The following SQOR variants were observed in gnomAD, a reference collection of about 807,000 sequenced individuals.
SQOR encodes the protein sulfide:quinone oxidoreductase, mitochondrial.
SQOR carries 39 observed loss-of-function variants against 48.6 expected under a neutral mutation model. That is an observed-to-expected ratio of 0.80 (90% CI 0.62 to 1.05). The LOEUF (loss-of-function observed/expected upper bound fraction) is 1.05. SQOR is among the 50% of genes least tolerant of loss of function. The pLI is 0.00. For synonymous variants in SQOR, 220 were observed against 206.2 expected (o/e 1.07, Z -0.57); for missense variants, 561 against 559.9 (o/e 1.00, Z -0.02).
chr15:45,645,973 C>G lies in SQOR; in HGVS notation c.-18+10865C>G, dbSNP rs548518642. 8 of 152,246 alleles carry G rather than the reference C, an allele frequency of 5.3e-5. No homozygotes were observed. The East Asian group carries it at 1.2e-3, about 22-fold the overall frequency. The allele number at this position is 152,246 out of a possible 1,614,324, so 9.4% of individuals were successfully genotyped here. A position where few individuals can be genotyped will look rare whatever the true frequency, so the allele number is the denominator to read the frequency against. ...TTCTGATACATTTTCTAAAAGAGAT[C>G]GCAGAACAAAGGGTCCTGACTCACC... On this transcript the variant is annotated intron_variant, in intron 1 of 9. Transcript: ENST00000260324.
At chr15:45,644,431 G>C (rs1314938235) in intron 1 of SQOR, among the ~76,000 whole-genome samples, 1 of 152,194 alleles carries the variant, frequency 6.6e-6, no homozygotes, top group Non-Finnish European at 1.5e-5. Context: ...AGGAGAAGAA[G>C]CCGAGCAAAA....
chr15:45,659,195 CGT>C (rs113227688), intron 2 of SQOR, 38 bp downstream of exon 2: 4,144 of 1,311,426 alleles, frequency 3.2e-3, no homozygotes, highest in South Asian at 4.1e-3. Context: ...TGTGTGTGTA[CGT>C]GTGTGTGTGT....
intron 5 of SQOR, 24 bp downstream of exon 5, chr15:45,673,825 A>G (rs765962106): frequency 6.2e-7 from 1 of 1,611,638 alleles, no homozygotes; most frequent in Non-Finnish European, 8.5e-7. Context: ...CTGGGGACAG[A>G]GATGAGCAGG....
rs612451 is a variant in SQOR, at chr15:45,641,077, T to G, written c.-18+5969T>G. On this transcript the variant is annotated intron_variant, in intron 1 of 9. Coordinates refer to ENST00000260324, the MANE Select transcript of SQOR (RefSeq NM_021199.4). Reference sequence around the variant, plus strand: ...TATAATTCAGTCAAAACTCTTAACTTTCATTTGAAATAATCCAATTGACTG... The same window carrying G: ...TATAATTCAGTCAAAACTCTTAACTGTCATTTGAAATAATCCAATTGACTG... Among the ~76,000 whole-genome samples the G allele has an allele frequency of 9.8e-3, 1,486 of 152,320 alleles. 24 individuals are homozygous for G. The highest frequency in any genetic ancestry group is 0.034 in the African/African-American group (1,403 of 41,546).
intron 6 of SQOR, among the ~76,000 whole-genome samples, chr15:45,679,346 G>C (rs969369408): frequency 1.3e-5 from 2 of 152,094 alleles, no homozygotes; most frequent in Non-Finnish European, 2.9e-5. Context: ...GGTGCAGATT[G>C]AGGATGGGGA....
Position 45,689,083 on chromosome 15 carries a change from T to A in SQOR, c.1161T>A (p.Arg387=). The A allele has an allele frequency of 6.2e-7, 1 of 1,614,194 alleles. No homozygotes were observed. The highest frequency in any genetic ancestry group is 1.1e-5 in the South Asian group (1 of 91,082). Residue 387 remains arginine (R), a synonymous_variant, in exon 9 of 10, where the codon CGT becomes CGA. Transcript: ENST00000260324. ...TSCPLVTGYN[R]VILAEFDYKA... ...GTCCACTGGTGACCGGCTACAACCG[T>A]GTGATTCTTGCTGAGTTTGACTACA... is the stretch of plus-strand genomic sequence containing the variant.
At chr15:45,664,205 T>C (rs1889771807) in intron 3 of SQOR, among the ~76,000 whole-genome samples, 1 of 152,216 alleles carries the variant, frequency 6.6e-6, no homozygotes, top group Non-Finnish European at 1.5e-5. Context: ...ATGAAAGTTC[T>C]GTCTTCACTG....
chr15:45,685,478 G>A (rs1890206801), intron 7 of SQOR, among the ~76,000 whole-genome samples: 1 of 152,118 alleles, frequency 6.6e-6, no homozygotes, highest in African/African-American at 2.4e-5. Flanking sequence ...ATTACTCCCA[G>A]CACAGCTAAG....
chr15:45,659,050 C>G lies in SQOR; in HGVS notation c.127C>G (p.His43Asp). Residue 43 changes from histidine (H) to aspartate (D), a missense_variant, in exon 2 of 10, where the codon CAT becomes GAT. Transcript: ENST00000260324. Reference protein sequence around the residue: ...HTGASHAARNHYEVLVLGGGS... With the variant: ...HTGASHAARNDYEVLVLGGGS... ...CGGGGCCAGCCATGCGGCCAGGAAC[C>G]ATTATGAGGTGCTGGTGCTGGGTGG... 2.5e-6 allele frequency: 4 copies of G among 1,599,244 alleles called. No homozygotes were observed. Among genetic ancestry groups the G allele is most frequent in the Non-Finnish European group, 3.4e-6 (4 of 1,173,360 alleles).
intron 1 of SQOR, among the ~76,000 whole-genome samples, chr15:45,636,012 G>C (rs1894997987): frequency 6.6e-6 from 1 of 152,066 alleles, no homozygotes; most frequent in Non-Finnish European, 1.5e-5. Flanking sequence ...AGTATTTGTA[G>C]TAGAGGCGGG....
At chr15:45,656,708 G>A (rs1257717852) in intron 1 of SQOR, among the ~76,000 whole-genome samples, 1 of 152,088 alleles carries the variant, frequency 6.6e-6, no homozygotes, top group South Asian at 2.1e-4. Flanking sequence ...TAAAATTTTG[G>A]CTTTGTTTTT....
chr15:45,667,680 A>G (rs2140952884), intron 3 of SQOR, among the ~76,000 whole-genome samples: 2 of 152,280 alleles, frequency 1.3e-5, no homozygotes, highest in East Asian at 3.9e-4. Context: ...CATAATGAAT[A>G]TTATGCTCTA....
chr15:45,690,770 C>T (rs1890308969), intron 9 of SQOR, among the ~76,000 whole-genome samples: 1 of 152,222 alleles, frequency 6.6e-6, no homozygotes, highest in Non-Finnish European at 1.5e-5. Flanking sequence ...CAGGCTCACA[C>T]AGCAAGTCTT....
At chr15:45,681,627 A>G (rs1890128645) in intron 6 of SQOR, among the ~76,000 whole-genome samples, 1 of 152,184 alleles carries the variant, frequency 6.6e-6, no homozygotes, top group African/African-American at 2.4e-5. Context: ...TGAACATTTC[A>G]ATCAATGTGT....
chr15:45,669,830 T>A lies in SQOR; in HGVS notation c.406-98T>A, dbSNP rs1280387229. On this transcript the variant is annotated intron_variant, in intron 3 of 9. Coordinates refer to ENST00000260324, the MANE Select transcript of SQOR (RefSeq NM_021199.4). ...TATGGGCTAATAATATTTCCCTGCC[T>A]CCCTTAGACCACATGGAACCACATC... The A allele has an allele frequency of 4.1e-6, 4 of 987,394 alleles. No individual in the cohort carries two copies. The Admixed American group carries it at 7.3e-5, about 18-fold the overall frequency. 61.2% of individuals were successfully genotyped at this position (987,394 alleles called of 1,614,324 possible). A position where few individuals can be genotyped will look rare whatever the true frequency, so the allele number is the denominator to read the frequency against.
In SQOR at chr15:45,650,362, C is replaced by T. The variant is rs1020413665; in HGVS notation, c.-17-8545C>T. 5.3e-5 allele frequency among the ~76,000 whole-genome samples: 8 copies of T among 152,190 alleles called. No individual in the cohort carries two copies. In the East Asian group the frequency reaches 7.7e-4, roughly 15 times the overall value. On this transcript the variant is annotated intron_variant, in intron 1 of 9. Transcript: ENST00000260324. ...AAGGCGGCGTGTCCGGAGTTTGTTC[C>T]TTCTAACGTTCGAATGTGTTTGGAG... is the stretch of plus-strand genomic sequence containing the variant.
intron 3 of SQOR, among the ~76,000 whole-genome samples, chr15:45,667,941 C>CTTTTTTTTTTTTTTTTTTT (rs1204451548): frequency 2.9e-5 from 3 of 103,276 alleles, no homozygotes; most frequent in African/African-American, 7.2e-5. Flanking sequence ...TTCTTTCTTT[C>CTTTTTTTTTTTTTTTTTTT]TTTTTTTTTT....
At chr15:45,676,010 C>G in intron 5 of SQOR, 91 bp from the exon 6 acceptor site, 1 of 1,297,676 alleles carries the variant, frequency 7.7e-7, no homozygotes, top group Non-Finnish European at 1.1e-6. Context: ...AGCAAGGTCC[C>G]TGCTGAGGGT....
At chr15:45,663,148 G>A (rs1889750904) in intron 3 of SQOR, among the ~76,000 whole-genome samples, 1 of 152,142 alleles carries the variant, frequency 6.6e-6, no homozygotes, top group African/African-American at 2.4e-5. Context: ...CTCCCCAGTA[G>A]CTGGGACTAC....
Sources: allele counts gnomAD v4.1 joint callset (sites outside exome capture counted in the v4.1 genomes callset), GRCh38; gene constraint gnomAD v4.1.1; transcripts MANE v1.5; gene names NCBI Gene and HGNC (gene_info 2026-07-23, HGNC 2026-07-21).